UMAD1: variants seen among roughly 807,000 people sequenced by gnomAD.
The protein encoded by UMAD1 is UBAP1-MVB12-associated (UMA)-domain containing protein 1.
UMAD1 carries 8 observed loss-of-function variants against 6.1 expected under a neutral mutation model. The observed-to-expected ratio is 1.30, with a 90% confidence interval of 0.76 to 2.35. The LOEUF is 2.35. Ranked by LOEUF, UMAD1 falls within the 30% of genes most tolerant of loss-of-function variation. The pLI, the probability that UMAD1 is intolerant of heterozygous loss-of-function variation, is 0.00. For missense variants in UMAD1, 130 were observed against 78.4 expected (o/e 1.66, Z -2.49); for synonymous variants, 56 against 31.4 (o/e 1.78, Z -2.61).
At chr7:7,719,285 C>T (rs918183432) in intron 2 of UMAD1, among the ~76,000 whole-genome samples, 1 of 151,980 alleles carries the variant, frequency 6.6e-6, no homozygotes, top group African/African-American at 2.4e-5. Context: ...GAATTTGATC[C>T]AGTATATAGT....
chr7:7,805,394 G>A (rs1343577118), intron 3 of UMAD1, among the ~76,000 whole-genome samples: 1 of 152,020 alleles, frequency 6.6e-6, no homozygotes, highest in Non-Finnish European at 1.5e-5. Context: ...CCCTCACACT[G>A]CACATCCAGT....
intron 2 of UMAD1, among the ~76,000 whole-genome samples, chr7:7,761,363 T>TTAAAAAAAAAAAAAA (rs1160799507): frequency 9.9e-5 from 12 of 121,152 alleles, no homozygotes; most frequent in African/African-American, 4.2e-4. Context: ...GAGACCTAAC[T>TTAAAAAAAAAAAAAA]AAAAAAAAAA....
intron 2 of UMAD1, among the ~76,000 whole-genome samples, chr7:7,729,081 TG>T (rs1563160212): frequency 6.6e-6 from 1 of 152,104 alleles, no homozygotes; most frequent in African/African-American, 2.4e-5. Flanking sequence ...GTGTCGGAAA[TG>T]GAAACGTGAA....
At chr7:7,874,299 T>G (rs1284595244) in intron 3 of UMAD1, among the ~76,000 whole-genome samples, 1 of 152,212 alleles carries the variant, frequency 6.6e-6, no homozygotes, top group Non-Finnish European at 1.5e-5. Context: ...CCAGCTATCT[T>G]CCCACTTCTT....
chr7:7,705,174 A>T (rs1051018956), intron 2 of UMAD1, among the ~76,000 whole-genome samples: 1 of 152,194 alleles, frequency 6.6e-6, no homozygotes, highest in Admixed American at 6.5e-5. Context: ...CAACTTAGGA[A>T]TCTTGTTGAC....
chr7:7,737,568 A>G (rs997615097), intron 2 of UMAD1, among the ~76,000 whole-genome samples: 8 of 152,236 alleles, frequency 5.3e-5, no homozygotes, highest in Non-Finnish European at 1.0e-4. Flanking sequence ...AACCACTGGG[A>G]AAAACTCAGT....
chr7:7,860,079 C>T (rs2115331431), intron 3 of UMAD1, among the ~76,000 whole-genome samples: 1 of 152,256 alleles, frequency 6.6e-6, no homozygotes, highest in Middle Eastern at 3.4e-3. Context: ...GTAAGGACAT[C>T]TTGTACCCTT....
rs113988580 is a variant in UMAD1, at chr7:7,791,681, G to A, written c.83-9989G>A. On this transcript the variant is annotated intron_variant, in intron 2 of 3. Transcript: ENST00000682710. Reference sequence around the variant, plus strand: ...ACTGAGAACTAAGGACATCAGTGAAGCCCAAGACAAGTTAATTAAGAGCAG... The same window carrying A: ...ACTGAGAACTAAGGACATCAGTGAAACCCAAGACAAGTTAATTAAGAGCAG... 3.7e-3 allele frequency among the ~76,000 whole-genome samples: 564 copies of A among 152,270 alleles called. 4 individuals carry two copies. The highest frequency in any genetic ancestry group is 0.012 in the African/African-American group (517 of 41,556).
chr7:7,874,708 TG>T (rs1444199296), intron 3 of UMAD1, among the ~76,000 whole-genome samples: 3 of 152,114 alleles, frequency 2.0e-5, no homozygotes, highest in African/African-American at 7.2e-5. Flanking sequence ...AGCAAAACTC[TG>T]TCTCAAAATA....
At chr7:7,679,816 CT>C (rs1270364024) in intron 2 of UMAD1, among the ~76,000 whole-genome samples, 1 of 151,014 alleles carries the variant, frequency 6.6e-6, no homozygotes, top group African/African-American at 2.4e-5. Flanking sequence ...CTTCCTGCCT[CT>C]GCCTCCCAAA....
At chr7:7,834,005 C>A (rs549766371) in intron 3 of UMAD1, among the ~76,000 whole-genome samples, 192 of 135,168 alleles carry the variant, frequency 1.4e-3, no homozygotes, top group African/African-American at 5.1e-3. Flanking sequence ...ACATTTCTTT[C>A]TTTTTCTTTT....
intron 2 of UMAD1, among the ~76,000 whole-genome samples, chr7:7,745,379 A>C (rs952308807): frequency 6.6e-6 from 1 of 152,090 alleles, no homozygotes; most frequent in Non-Finnish European, 1.5e-5. Context: ...TTATATCACG[A>C]CTTTATTTTG....
At chr7:7,869,070 A>T (rs73676919) in intron 3 of UMAD1, among the ~76,000 whole-genome samples, 2,790 of 152,318 alleles carry the variant, frequency 0.018, 80 homozygotes, top group African/African-American at 0.063. Context: ...GCAGGACACC[A>T]ACTCTCAGGC....
At chr7:7,832,276 G>C (rs1317880694) in intron 3 of UMAD1, among the ~76,000 whole-genome samples, 1 of 152,134 alleles carries the variant, frequency 6.6e-6, no homozygotes, top group Non-Finnish European at 1.5e-5. Context: ...TTGACATTCA[G>C]TGGAAATATT....
At chr7:7,795,190 C>T (rs1364232177) in intron 2 of UMAD1, among the ~76,000 whole-genome samples, 7 of 152,256 alleles carry the variant, frequency 4.6e-5, no homozygotes, top group Admixed American at 4.6e-4. Flanking sequence ...CTCAGGCACA[C>T]TTTCTCAGGA....
intron 2 of UMAD1, among the ~76,000 whole-genome samples, chr7:7,750,584 C>A (rs1384848081): frequency 6.6e-6 from 1 of 152,126 alleles, no homozygotes; most frequent in Non-Finnish European, 1.5e-5. Flanking sequence ...ATTTAACAAA[C>A]ACATATACAA....
intron 3 of UMAD1, among the ~76,000 whole-genome samples, chr7:7,873,300 C>T (rs1019498868): frequency 3.9e-5 from 6 of 152,148 alleles, no homozygotes; most frequent in Non-Finnish European, 5.9e-5. Flanking sequence ...ATCAAAGCCC[C>T]GGTGCATATG....
chr7:7,684,296 C>T (rs543165777), intron 2 of UMAD1, among the ~76,000 whole-genome samples: 96 of 151,950 alleles, frequency 6.3e-4, no homozygotes, highest in African/African-American at 2.0e-3. Flanking sequence ...CTGCCTCCCG[C>T]GTTCAAGCAA....
chr7:7,720,094 A>G (rs972587935), intron 2 of UMAD1, among the ~76,000 whole-genome samples: 2 of 152,236 alleles, frequency 1.3e-5, no homozygotes, highest in Non-Finnish European at 2.9e-5. Context: ...GAAAAGTGCT[A>G]CAGAACCTAA....
Sources: gnomAD v4.1 joint callset for allele counts (sites outside exome capture counted in the v4.1 genomes callset) on GRCh38, gnomAD v4.1.1 for gene constraint, MANE v1.5 for transcripts, NCBI Gene and HGNC (gene_info 2026-07-23, HGNC 2026-07-21) for gene names.